PRPSAP2: variants seen among roughly 807,000 people sequenced by gnomAD.
PRPSAP2 encodes phosphoribosyl pyrophosphate synthetase associated protein 2, also known as phosphoribosyl pyrophosphate synthase-associated protein 2.
In PRPSAP2, 24 loss-of-function variants were observed where a neutral mutation model predicts 40.6. The observed-to-expected ratio is 0.59, with a 90% CI of 0.43 to 0.83. The LOEUF (loss-of-function observed/expected upper bound fraction) is 0.83, where lower values mean the gene tolerates loss of function less well. Ranked by LOEUF, PRPSAP2 falls within the 40% of genes least tolerant of loss-of-function variation. The pLI, the probability that PRPSAP2 is intolerant of heterozygous loss-of-function variation, is 0.00. For synonymous variants in PRPSAP2, 149 were observed against 164.7 expected (o/e 0.90, Z 0.73); for missense variants, 292 against 465.6 (o/e 0.63, Z 3.43).
intron 10 of PRPSAP2, among the ~76,000 whole-genome samples, chr17:18,926,829 A>G (rs1269893552): frequency 1.3e-5 from 2 of 151,830 alleles, no homozygotes; most frequent in Non-Finnish European, 2.9e-5. Flanking sequence ...CAGTCTTACC[A>G]TGGGTAGCTT....
chr17:18,861,883 TTTTG>T (rs138555657), intron 1 of PRPSAP2, among the ~76,000 whole-genome samples: 56 of 150,976 alleles, frequency 3.7e-4, no homozygotes, highest in Non-Finnish European at 5.8e-4. Context: ...CAGCATGTTC[TTTTG>T]TTTGTTTGTT....
chr17:18,886,285 G>A lies in PRPSAP2; in HGVS notation c.529-3537G>A, dbSNP rs148921650. Among the ~76,000 whole-genome samples, 148 of 152,104 alleles carry A rather than the reference G, an allele frequency of 9.7e-4. 1 individual carries two copies. The highest frequency in any genetic ancestry group is 3.5e-3 in the African/African-American group (145 of 41,494). ...TCTTGTGTTTGTCACTGGAATTTAA[G>A]CACCTTCTGCCAGAGTCAGAAGGAA... On this transcript the variant is annotated intron_variant, in intron 7 of 11. Transcript: ENST00000268835.
intron 8 of PRPSAP2, among the ~76,000 whole-genome samples, chr17:18,899,913 G>A (rs1250415269): frequency 6.8e-6 from 1 of 147,262 alleles, no homozygotes; most frequent in Non-Finnish European, 1.5e-5. Flanking sequence ...TTGAGACTGA[G>A]TCTCGCTCTG....
At chr17:18,867,460 G>A in intron 4 of PRPSAP2, 126 bp downstream of exon 4, 1 of 1,152,072 alleles carries the variant, frequency 8.7e-7, no homozygotes, top group Non-Finnish European at 1.3e-6. Context: ...AAGAAGTCAG[G>A]CAGGCAAGGT....
At chr17:18,890,985 G>C (rs998438686) in intron 8 of PRPSAP2, among the ~76,000 whole-genome samples, 4 of 152,170 alleles carry the variant, frequency 2.6e-5, no homozygotes, top group Non-Finnish European at 5.9e-5. Context: ...TCGGTTGAGA[G>C]GATTTCTTAT....
intron 5 of PRPSAP2, among the ~76,000 whole-genome samples, chr17:18,873,034 GT>G (rs893702068): frequency 1.6e-4 from 25 of 151,836 alleles, no homozygotes. Flanking sequence ...TAGAGACGGG[GT>G]TTCACCATGT....
At chr17:18,884,185 TGAACCTGGGAG>T (rs2038966662) in intron 7 of PRPSAP2, among the ~76,000 whole-genome samples, 2 of 152,122 alleles carry the variant, frequency 1.3e-5, no homozygotes, top group Admixed American at 1.3e-4. Flanking sequence ...GAGAATTGCT[TGAACCTGGGAG>T]GTGGAGGTTA....
intron 4 of PRPSAP2, among the ~76,000 whole-genome samples, chr17:18,870,262 G>A (rs753684029): frequency 5.3e-5 from 8 of 152,068 alleles, no homozygotes; most frequent in Non-Finnish European, 8.8e-5. Flanking sequence ...GGCCGGGTGC[G>A]GTGGCTCACT....
intron 8 of PRPSAP2, among the ~76,000 whole-genome samples, chr17:18,896,852 T>A (rs2039941328): frequency 6.6e-6 from 1 of 152,182 alleles, no homozygotes; most frequent in East Asian, 1.9e-4. Context: ...TAGTCTTCTG[T>A]TTCTCATGGC....
chr17:18,856,796 A>G (rs1405447091), upstream of PRPSAP2, among the ~76,000 whole-genome samples: 5 of 152,232 alleles, frequency 3.3e-5, no homozygotes, highest in African/African-American at 9.6e-5. Flanking sequence ...TCGTCGTCTC[A>G]GTTCCCACAA....
At chr17:18,905,872 T>C (rs2040555761) in intron 8 of PRPSAP2, among the ~76,000 whole-genome samples, 1 of 152,176 alleles carries the variant, frequency 6.6e-6, no homozygotes. Flanking sequence ...CGTGAGCCAC[T>C]GCTCCTGGCC....
chr17:18,897,765 C>G (rs902633716), intron 8 of PRPSAP2, among the ~76,000 whole-genome samples: 1 of 150,176 alleles, frequency 6.7e-6, no homozygotes, highest in Non-Finnish European at 1.5e-5. Flanking sequence ...GCCCGGCCCT[C>G]TATAGTGTTT....
At chr17:18,906,452 G>A (rs1597691827) in intron 8 of PRPSAP2, among the ~76,000 whole-genome samples, 1 of 152,258 alleles carries the variant, frequency 6.6e-6, no homozygotes, top group East Asian at 1.9e-4. Context: ...TTGACCTTGC[G>A]ATCCACCCGC....
intron 1 of PRPSAP2, chr17:18,861,595 A>G (rs569834980): frequency 6.6e-6 from 1 of 152,182 alleles, no homozygotes; most frequent in Non-Finnish European, 1.5e-5. Context: ...CCACTCCACC[A>G]TGTCATTTTG....
rs2040970366 is a variant in PRPSAP2 at position 18,911,729 on chromosome 17, A to G, written c.733+478A>G. Among the ~76,000 whole-genome samples, 1 of 152,252 alleles carries G rather than the reference A, an allele frequency of 6.6e-6. No individual in the cohort carries two copies. Among genetic ancestry groups the G allele is most frequent in the Admixed American group, 6.5e-5 (1 of 15,282 alleles). ...AAGACTATCTGGAAACGAGAAAAATATATGGAATATATATGAACAAGGCAG... is the reference window on the plus strand; with the variant it reads ...AAGACTATCTGGAAACGAGAAAAATGTATGGAATATATATGAACAAGGCAG... On this transcript the variant is annotated intron_variant, in intron 9 of 11. Transcript: ENST00000268835. The surrounding 1 kb of genome is among the most constrained non-coding windows in gnomAD (Gnocchi z 4.5).
chr17:18,863,814 G>A (rs1042691396), intron 1 of PRPSAP2, among the ~76,000 whole-genome samples: 7 of 143,600 alleles, frequency 4.9e-5, no homozygotes, highest in Admixed American at 1.4e-4. Flanking sequence ...GATTACAGGC[G>A]TAAGCCACTG....
intron 8 of PRPSAP2, among the ~76,000 whole-genome samples, chr17:18,893,799 G>A (rs1379189317): frequency 1.3e-5 from 2 of 152,112 alleles, no homozygotes; most frequent in East Asian, 3.9e-4. Context: ...GACCTCAAGT[G>A]ATCTTGACCT....
At chr17:18,893,758 G>A (rs767978981) in intron 8 of PRPSAP2, among the ~76,000 whole-genome samples, 2 of 151,536 alleles carry the variant, frequency 1.3e-5, no homozygotes, top group African/African-American at 2.4e-5. Flanking sequence ...ACGGGGTTTC[G>A]CCATGTTGGC....
At chr17:18,869,834 C>CT (rs146119397) in intron 4 of PRPSAP2, among the ~76,000 whole-genome samples, 5 of 143,326 alleles carry the variant, frequency 3.5e-5, no homozygotes, top group South Asian at 2.2e-4. Flanking sequence ...CATTTTGCTA[C>CT]TTTTTTTTTG....
Sources: gnomAD v4.1 joint callset for allele counts (sites outside exome capture counted in the v4.1 genomes callset) on GRCh38, gnomAD v4.1.1 for gene constraint, Gnocchi (gnomAD v3.1) non-coding constraint, MANE v1.5 for transcripts, NCBI Gene and HGNC (gene_info 2026-07-23, HGNC 2026-07-21) for gene names.